KIF1A: variants seen among roughly 807,000 people sequenced by gnomAD.
The protein encoded by KIF1A is kinesin-like protein KIF1A.
A neutral mutation model predicts 227.3 loss-of-function variants in KIF1A; 46 were observed. That is an observed-to-expected ratio of 0.20 (90% CI 0.16 to 0.26). The LOEUF is 0.26. KIF1A is among the 10% of genes least tolerant of loss of function. KIF1A has a pLI of 1.00. For missense variants in KIF1A, 1,683 were observed against 2,485.9 expected, an observed-to-expected ratio of 0.68 and a Z score of 6.87; for synonymous variants, 1,022 against 1,012.8, an observed-to-expected ratio of 1.01 and a Z score of -0.17.
Position 240,788,749 on chromosome 2 carries a change from G to A in KIF1A, c.183+487C>T. ...GGGAGCCCTGGGGCTGTTATGGGGG[G>A]CAGGTGCTCAGAGATATAGATATGA... On this transcript the variant is annotated intron_variant, in intron 3 of 48. Transcript: ENST00000498729. This position sits in a 1 kb window ranked among gnomAD's most constrained non-coding sequence, Gnocchi z 6.6. 6.6e-6 allele frequency among the ~76,000 whole-genome samples: 1 copy of A among 152,084 alleles called. No homozygotes were observed. Among genetic ancestry groups the A allele is most frequent in the East Asian group, 1.9e-4 (1 of 5,186 alleles).
In KIF1A at chr2:240,763,063, G is replaced by T; in HGVS notation, c.1978C>A (p.Arg660Ser). The T allele has an allele frequency of 6.4e-7, 1 of 1,560,600 alleles. No homozygotes were observed. Among genetic ancestry groups the T allele is most frequent in the Non-Finnish European group, 8.7e-7 (1 of 1,155,278 alleles). The stretch of plus-strand genomic sequence containing the variant: ...AGGTAGGTGGCCTCCTCCCGCTCGC[G>T]GCGGTACTGGTCCTCCAGTTCCTGG... ...RLQELEDQYR[R>S]EREEATYLLE... The change falls in exon 22 of 49, where the codon CGC becomes AGC. Residue 660 changes from arginine to serine, a missense_variant. Arg to Ser is a moderately radical substitution (Grantham distance 110). This residue lies in a region of KIF1A where 217 missense variants were observed against 427.0 expected (regional missense o/e 0.51). Coordinates refer to ENST00000498729, the MANE Select transcript of KIF1A (RefSeq NM_001244008.2).
At chr2:240,804,358 C>T (rs1280990040) in intron 1 of KIF1A, among the ~76,000 whole-genome samples, 1 of 152,138 alleles carries the variant, frequency 6.6e-6, no homozygotes, top group Non-Finnish European at 1.5e-5. Context: ...GGGTGAGACA[C>T]CCTCCATTAT....
Position 240,766,741 on chromosome 2 carries a change from T to TCACACACACACACA in KIF1A, c.1684+173_1684+174insTGTGTGTGTGTGTG, listed in dbSNP as rs71049519. On this transcript the variant is annotated intron_variant, in intron 19 of 48. Transcript: ENST00000498729. The surrounding 1 kb of genome is among the most constrained non-coding windows in gnomAD (Gnocchi z 5.0). ...CTCCAAATCTCTCTCTCTCTCTCTC[T>TCACACACACACACA]CTCTCTCTCACACACACACACACAC... Among the ~76,000 whole-genome samples the TCACACACACACACA allele has an allele frequency of 9.6e-4, 108 of 112,570 alleles. No homozygotes were observed. Among genetic ancestry groups the TCACACACACACACA allele is most frequent in the Admixed American group, 2.3e-3 (25 of 11,056 alleles). The allele number at this position is 112,570 out of a possible 152,430, so 73.9% of individuals were successfully genotyped here.
chr2:240,780,398 C>A (rs1247247195), intron 10 of KIF1A, among the ~76,000 whole-genome samples: 2 of 152,102 alleles, frequency 1.3e-5, no homozygotes, highest in East Asian at 3.9e-4. Flanking sequence ...ACACTTTCCC[C>A]AAGCGATTCC....
At chr2:240,755,802 C>G (rs1054441362) in intron 27 of KIF1A, among the ~76,000 whole-genome samples, 1 of 152,196 alleles carries the variant, frequency 6.6e-6, no homozygotes, top group African/African-American at 2.4e-5. Flanking sequence ...CGTCCTGATC[C>G]CTCACCTACC....
chr2:240,728,489 G>A (rs2046273098), intron 38 of KIF1A: 1 of 985,752 alleles, frequency 1.0e-6, no homozygotes, highest in Non-Finnish European at 1.4e-6. Context: ...ACCGGCACAA[G>A]GCCCAGGGCA....
chr2:240,765,258 G>C (rs1222277932), intron 20 of KIF1A, among the ~76,000 whole-genome samples: 2 of 152,220 alleles, frequency 1.3e-5, no homozygotes, highest in Non-Finnish European at 2.9e-5. Context: ...CAGTGTCTGG[G>C]AACAGAGCCC....
At chr2:240,818,453 G>A (rs943015226) in intron 1 of KIF1A, among the ~76,000 whole-genome samples, 8 of 152,104 alleles carry the variant, frequency 5.3e-5, no homozygotes, top group African/African-American at 7.2e-5. Flanking sequence ...CTAAATAGAC[G>A]GTGTGTGTTC....
intron 1 of KIF1A, among the ~76,000 whole-genome samples, chr2:240,807,122 GTGTGTGTGTA>G (rs1335185974): frequency 2.6e-3 from 237 of 91,524 alleles, no homozygotes; most frequent in Middle Eastern, 5.1e-3. Context: ...GTGTGTGTGT[GTGTGTGTGTA>G]TATATATATA....
At chr2:240,785,844 G>T (rs1159673227) in intron 6 of KIF1A, among the ~76,000 whole-genome samples, 1 of 152,190 alleles carries the variant, frequency 6.6e-6, no homozygotes, top group East Asian at 1.9e-4. Flanking sequence ...CCCTCAGGAA[G>T]TCCCGGGTGG....
chr2:240,815,594 T>C (rs2058256296), intron 1 of KIF1A, among the ~76,000 whole-genome samples: 1 of 151,916 alleles, frequency 6.6e-6, no homozygotes, highest in African/African-American at 2.4e-5. Flanking sequence ...TACCAGAAAA[T>C]GCGGTACCTG....
Position 240,778,580 on chromosome 2 carries a change from C to T in KIF1A, c.883-2654G>A, listed in dbSNP as rs999569259. ...TGTCCCACGGGCCTCACAGCAGCCA[C>T]GCAGCTCCCGAAAACCCCTTCAGCT... On this transcript the variant is annotated intron_variant, in intron 10 of 48. Coordinates refer to ENST00000498729, the MANE Select transcript of KIF1A (RefSeq NM_001244008.2). The surrounding 1 kb of genome is among the most constrained non-coding windows in gnomAD (Gnocchi z 7.2). Among the ~76,000 whole-genome samples the T allele has an allele frequency of 6.6e-5, 10 of 150,526 alleles. No individual in the cohort carries two copies. Among genetic ancestry groups the T allele is most frequent in the African/African-American group, 9.9e-5 (4 of 40,420 alleles).
Position 240,737,156 on chromosome 2 carries a change from T to G in KIF1A, c.3914A>C (p.Asn1305Thr). The change falls in exon 38 of 49, where the codon AAC (asparagine) becomes ACC (threonine). Residue 1305 changes from asparagine to threonine, a missense_variant. Physicochemically the swap from Asn to Thr is moderately conservative, Grantham distance 65. Around this residue, in one of 12 missense-constraint regions of KIF1A, gnomAD observed 759 missense variants for 1,020.2 expected, o/e 0.74. Coordinates refer to ENST00000498729, the MANE Select transcript of KIF1A (RefSeq NM_001244008.2). ...CAGGGACTCGTCGGTCTCTGGAGTG[T>G]TTCGGATGCGGCCTGCAGAAAAGGC... ...VRELVVGRIRNTPETDESLID... is the reference protein window; with the variant it reads ...VRELVVGRIRTTPETDESLID... The G allele has an allele frequency of 1.2e-6, 2 of 1,613,442 alleles. No individual in the cohort carries two copies. The highest frequency in any genetic ancestry group is 2.2e-5 in the South Asian group (2 of 91,054).
At chr2:240,807,076 ATATGTGTG>A (rs1475024424) in intron 1 of KIF1A, among the ~76,000 whole-genome samples, 48 of 73,164 alleles carry the variant, frequency 6.6e-4, no homozygotes, top group African/African-American at 3.4e-3. Context: ...ATCCTCATAT[ATATGTGTG>A]TGTGTGTGTG....
intron 27 of KIF1A, among the ~76,000 whole-genome samples, chr2:240,751,819 C>T (rs1049336364): frequency 2.0e-5 from 3 of 151,926 alleles, no homozygotes; most frequent in South Asian, 4.2e-4. Flanking sequence ...ATGGATGCCC[C>T]GGGTGTCTCT....
chr2:240,724,213 C>T (rs754392884), intron 40 of KIF1A, 177 bp from the exon 41 acceptor site: 71 of 643,012 alleles, frequency 1.1e-4, no homozygotes, highest in Non-Finnish European at 1.8e-4. Context: ...AGACTCCCTC[C>T]GGCCCCCAGA....
At chr2:240,794,455 T>C (rs1412717766) in intron 2 of KIF1A, among the ~76,000 whole-genome samples, 1 of 152,216 alleles carries the variant, frequency 6.6e-6, no homozygotes, top group Non-Finnish European at 1.5e-5. Flanking sequence ...GGCCTCACTC[T>C]TGGGCTCCGT....
At chr2:240,771,907 G>A (rs965530856) in intron 14 of KIF1A, among the ~76,000 whole-genome samples, 4 of 152,306 alleles carry the variant, frequency 2.6e-5, no homozygotes, top group South Asian at 2.1e-4. Context: ...GTCTCCTAGC[G>A]GAAGCGAACA....
intron 1 of KIF1A, among the ~76,000 whole-genome samples, chr2:240,816,226 G>A (rs1421901059): frequency 2.6e-5 from 4 of 152,026 alleles, no homozygotes; most frequent in South Asian, 2.1e-4. Flanking sequence ...GTGTATGTGT[G>A]TTTGTATGTG....
Sources: gnomAD v4.1 joint callset for allele counts (sites outside exome capture counted in the v4.1 genomes callset) on GRCh38, gnomAD v4.1.1 for gene constraint, gnomAD v4.1.1 regional missense constraint, Gnocchi (gnomAD v3.1) non-coding constraint, MANE v1.5 for transcripts, NCBI Gene and HGNC (gene_info 2026-07-23, HGNC 2026-07-21) for gene names.